OXCT1: variants seen among roughly 807,000 people sequenced by gnomAD.
OXCT1 encodes the protein succinyl-CoA:3-ketoacid coenzyme A transferase 1, mitochondrial.
A neutral mutation model predicts 69.6 loss-of-function variants in OXCT1; 27 were observed. The observed-to-expected ratio is 0.39, with a 90% confidence interval of 0.29 to 0.54. The LOEUF is 0.54. OXCT1 is among the 20% of genes least tolerant of loss of function. OXCT1 has a pLI of 0.72. For missense variants in OXCT1, 437 were observed against 650.2 expected (o/e 0.67, Z 3.57); for synonymous variants, 202 against 217.8 (o/e 0.93, Z 0.64).
intron 13 of OXCT1, among the ~76,000 whole-genome samples, chr5:41,782,804 C>T (rs1745472609): frequency 6.6e-6 from 1 of 152,076 alleles, no homozygotes; most frequent in African/African-American, 2.4e-5. Context: ...TAAACTTTCC[C>T]CTGTGTAGTG....
Position 41,749,586 on chromosome 5 carries a change from C to T in OXCT1, c.1360G>A (p.Glu454Lys). The change falls in exon 15 of 17, where the codon GAG (glutamate) becomes AAG (lysine). Residue 454 changes from glutamate (E) to lysine (K), a missense_variant. Coordinates refer to ENST00000196371, the MANE Select transcript of OXCT1 (RefSeq NM_000436.4). ...CCAGTCAATGGTAATGTACATTTCTCCATGATTTTATGTGCATTTCCCTGT... is the reference window on the plus strand; with the variant it reads ...CCAGTCAATGGTAATGTACATTTCTTCATGATTTTATGTGCATTTCCCTGT... Reference protein sequence around the residue: ...SAKGNAHKIMEKCTLPLTGKQ... With the variant: ...SAKGNAHKIMKKCTLPLTGKQ... 6.2e-7 allele frequency: 1 copy of T among 1,607,260 alleles called. No homozygotes were observed. The highest frequency in any genetic ancestry group is 8.5e-7 in the Non-Finnish European group (1 of 1,174,776).
chr5:41,786,478 CTG>C (rs1186043591), intron 13 of OXCT1, among the ~76,000 whole-genome samples: 1 of 152,122 alleles, frequency 6.6e-6, no homozygotes, highest in Non-Finnish European at 1.5e-5. Context: ...TGCAGGCAGA[CTG>C]TAGCTGGGAG....
intron 14 of OXCT1, among the ~76,000 whole-genome samples, chr5:41,753,469 C>T (rs191734646): frequency 1.3e-5 from 2 of 152,248 alleles, no homozygotes; most frequent in Non-Finnish European, 1.5e-5. Context: ...GTTCATGCTG[C>T]CTGTTAGCTG....
intron 3 of OXCT1, among the ~76,000 whole-genome samples, chr5:41,860,024 T>C (rs1749664672): frequency 1.3e-5 from 2 of 151,716 alleles, no homozygotes; most frequent in South Asian, 4.2e-4. Flanking sequence ...ATCTGTAGTA[T>C]CCCTTATAAG....
At chr5:41,865,393 C>T (rs1260651848) in intron 1 of OXCT1, among the ~76,000 whole-genome samples, 4 of 152,082 alleles carry the variant, frequency 2.6e-5, no homozygotes, top group Non-Finnish European at 5.9e-5. Flanking sequence ...GACATGTTTA[C>T]CCAGATAATC....
intron 2 of OXCT1, among the ~76,000 whole-genome samples, chr5:41,862,038 C>T (rs1325715479): frequency 6.6e-6 from 1 of 152,048 alleles, no homozygotes; most frequent in Non-Finnish European, 1.5e-5. Flanking sequence ...TGGTGAAACC[C>T]CATCTCTACT....
At chr5:41,746,785 G>A (rs1306218955) in intron 15 of OXCT1, among the ~76,000 whole-genome samples, 1 of 152,022 alleles carries the variant, frequency 6.6e-6, no homozygotes, top group Non-Finnish European at 1.5e-5. Flanking sequence ...TTCATGTCTT[G>A]TATTATCCTT....
At chr5:41,766,568 C>CAAAAAAAAAA (rs35725846) in intron 13 of OXCT1, among the ~76,000 whole-genome samples, 1 of 120,024 alleles carries the variant, frequency 8.3e-6, no homozygotes, top group African/African-American at 3.1e-5. Context: ...CATTGTACTC[C>CAAAAAAAAAA]AAAAAAAAAA....
Position 41,762,049 on chromosome 5 carries a change from A to G in OXCT1, c.1338+62T>C. The G allele has an allele frequency of 1.9e-6, 2 of 1,073,482 alleles. No homozygotes were observed. Among genetic ancestry groups the G allele is most frequent in the East Asian group, 4.7e-5 (2 of 42,360 alleles). 66.5% of individuals were successfully genotyped at this position (1,073,482 alleles called of 1,614,324 possible). A position where few individuals can be genotyped will look rare whatever the true frequency, so the allele number is the denominator to read the frequency against. ...CCACAGTTAGGTGACCTGGTGGTAC[A>G]CTGGGTTTTGATGTATTGCAAATTT... On this transcript the variant is annotated intron_variant, in intron 14 of 16. Transcript: ENST00000196371. This position sits in a 1 kb window ranked among gnomAD's most constrained non-coding sequence, Gnocchi z 4.0.
At chr5:41,749,100 G>T (rs769981311) in intron 15 of OXCT1, among the ~76,000 whole-genome samples, 36 of 152,014 alleles carry the variant, frequency 2.4e-4, no homozygotes, top group Non-Finnish European at 4.7e-4. Context: ...GGCTTACTGT[G>T]GGGCCTATAC....
At chr5:41,794,192 C>CCACA (rs1046267292) in intron 12 of OXCT1, 114 bp from the exon 13 acceptor site, 1 of 771,818 alleles carries the variant, frequency 1.3e-6, no homozygotes, top group African/African-American at 1.7e-5. Context: ...GCTTCCCCCA[C>CCACA]CACACAACTG....
chr5:41,731,863 C>T, intron 16 of OXCT1, 93 bp from the exon 17 acceptor site: 1 of 1,431,782 alleles, frequency 7.0e-7, no homozygotes, highest in Admixed American at 2.0e-5. Context: ...ATGTAGGCAA[C>T]AAGCAGCCTT....
At chr5:41,784,940 G>C (rs1745576458) in intron 13 of OXCT1, among the ~76,000 whole-genome samples, 1 of 152,086 alleles carries the variant, frequency 6.6e-6, no homozygotes, top group African/African-American at 2.4e-5. Flanking sequence ...TATACCTTTA[G>C]TCTGAAAAAT....
At chr5:41,745,621 T>C (rs995934465) in intron 15 of OXCT1, among the ~76,000 whole-genome samples, 1 of 152,048 alleles carries the variant, frequency 6.6e-6, no homozygotes. Context: ...GCTGGTTTTT[T>C]GAAAAGATCA....
chr5:41,808,622 C>T (rs1400284401), intron 7 of OXCT1, among the ~76,000 whole-genome samples: 1 of 152,064 alleles, frequency 6.6e-6, no homozygotes, highest in Non-Finnish European at 1.5e-5. Context: ...AATATGTCGG[C>T]ATCCAAGTTG....
At chr5:41,739,610 A>G (rs1561353130) in intron 15 of OXCT1, 119 bp from the exon 16 acceptor site, 2 of 736,334 alleles carry the variant, frequency 2.7e-6, no homozygotes, top group East Asian at 2.8e-5. Flanking sequence ...TCAGGCCTAT[A>G]ATCCCAGCAT....
intron 7 of OXCT1, among the ~76,000 whole-genome samples, chr5:41,836,340 G>A (rs1396102088): frequency 6.6e-6 from 1 of 152,230 alleles, no homozygotes; most frequent in East Asian, 1.9e-4. Flanking sequence ...CATAAGAGGG[G>A]TAGGAAGATA....
chr5:41,820,452 C>A (rs564435802), intron 7 of OXCT1, among the ~76,000 whole-genome samples: 1 of 152,108 alleles, frequency 6.6e-6, no homozygotes. Flanking sequence ...AAATAATAAT[C>A]ACTAAAGCAT....
intron 7 of OXCT1, among the ~76,000 whole-genome samples, chr5:41,814,699 G>A (rs865956979): frequency 2.3e-4 from 32 of 137,100 alleles, no homozygotes; most frequent in Admixed American, 7.8e-4. Flanking sequence ...CACAGGAAGG[G>A]GAACATCACA....
Sources: allele counts gnomAD v4.1 joint callset (sites outside exome capture counted in the v4.1 genomes callset), GRCh38; gene constraint gnomAD v4.1.1; non-coding constraint Gnocchi (gnomAD v3.1); transcripts MANE v1.5; gene names NCBI Gene and HGNC (gene_info 2026-07-23, HGNC 2026-07-21).